YWHAE: variants seen among roughly 807,000 people sequenced by gnomAD.
The protein encoded by YWHAE is tyrosine 3-monooxygenase/tryptophan 5-monooxygenase activation protein epsilon.
Under a neutral mutation model 30.1 loss-of-function variants are expected in YWHAE, and 4 were observed. The ratio of observed to expected loss-of-function variants is 0.13; its 90% CI spans 0.07 to 0.30. The LOEUF (loss-of-function observed/expected upper bound fraction) is 0.30. YWHAE is among the 10% of genes least tolerant of loss of function. The pLI, the probability that YWHAE is intolerant of heterozygous loss-of-function variation, is 1.00. For synonymous variants in YWHAE, 118 were observed against 111.8 expected (o/e 1.06, Z -0.35); for missense variants, 121 against 315.9 (o/e 0.38, Z 4.68).
At chr17:1,378,169 G>T (rs1039445778) in intron 1 of YWHAE, among the ~76,000 whole-genome samples, 4 of 152,186 alleles carry the variant, frequency 2.6e-5, no homozygotes, top group African/African-American at 9.7e-5. Context: ...TTCTTAAAAA[G>T]GAGTCATCAC....
At chr17:1,398,340 C>CG (rs1361597192) in intron 1 of YWHAE, among the ~76,000 whole-genome samples, 3 of 96,332 alleles carry the variant, frequency 3.1e-5, no homozygotes, top group African/African-American at 6.1e-5. Flanking sequence ...CTTATCCCCC[C>CG]CCCCAACAGG....
intron 1 of YWHAE, among the ~76,000 whole-genome samples, chr17:1,376,283 T>C (rs911460865): frequency 1.3e-5 from 2 of 152,042 alleles, no homozygotes; most frequent in African/African-American, 4.8e-5. Context: ...TAAAATGTGG[T>C]TGAGACCCAG....
chr17:1,388,523 C>CAA lies in YWHAE; in HGVS notation c.64+11522_64+11523dup, dbSNP rs771810570. On this transcript the variant is annotated intron_variant, in intron 1 of 5. Transcript: ENST00000264335. ...TGGGCAACAGAGCAAGACTCTGTCT[C>CAA]AAAAAAAAAAAAAGTGCTAGGATTA... Among the ~76,000 whole-genome samples the CAA allele has an allele frequency of 9.6e-5, 12 of 124,458 alleles. 1 individual carries two copies. The South Asian group carries it at 1.3e-3, about 13-fold the overall frequency. The allele number at this position is 124,458 out of a possible 152,430, so 81.6% of individuals were successfully genotyped here. A position where few individuals can be genotyped will look rare whatever the true frequency, so the allele number is the denominator to read the frequency against.
Position 1,344,491 on chromosome 17 carries a change from T to C in YWHAE, c.*956A>G, listed in dbSNP as rs541668109. The C allele has an allele frequency of 4.8e-4, 91 of 191,192 alleles. No individual in the cohort carries two copies. The highest frequency in any genetic ancestry group is 8.2e-4 in the Non-Finnish European group (75 of 91,004). The allele number at this position is 191,192 out of a possible 1,614,324, so 11.8% of individuals were successfully genotyped here. A position where few individuals can be genotyped will look rare whatever the true frequency, so the allele number is the denominator to read the frequency against. ...GGCAAACATAATACTGTCAGTGTGT[T>C]TGGACTAGAGATTTTATTTTAGAAG... On this transcript the variant is annotated 3_prime_UTR_variant, in exon 6 of 6. Transcript: ENST00000264335.
intron 1 of YWHAE, among the ~76,000 whole-genome samples, chr17:1,388,239 A>G (rs1454901394): frequency 6.9e-6 from 1 of 144,424 alleles, no homozygotes; most frequent in Non-Finnish European, 1.5e-5. Context: ...AGGATTGGCC[A>G]GGCGCTGTGG....
At chr17:1,367,069 A>G (rs1356873964) in intron 1 of YWHAE, among the ~76,000 whole-genome samples, 1 of 152,226 alleles carries the variant, frequency 6.6e-6, no homozygotes, top group African/African-American at 2.4e-5. Flanking sequence ...CATATTTTGT[A>G]AAGTCTCTTC....
intron 4 of YWHAE, among the ~76,000 whole-genome samples, chr17:1,357,569 G>A (rs191036749): frequency 6.6e-6 from 1 of 151,790 alleles, no homozygotes; most frequent in East Asian, 1.9e-4. Flanking sequence ...AGCAGAGTGA[G>A]ACTCCGTCAA....
intron 5 of YWHAE, among the ~76,000 whole-genome samples, chr17:1,350,125 T>C (rs1027408998): frequency 1.3e-5 from 2 of 152,126 alleles, no homozygotes; most frequent in East Asian, 1.9e-4. Context: ...GCTAATTTTG[T>C]ATTTTTAGTA....
rs541587635 is a variant in YWHAE, at chr17:1,364,581, T to C, written c.264+278A>G. Among the ~76,000 whole-genome samples the C allele has an allele frequency of 2.0e-5, 3 of 151,958 alleles. No homozygotes were observed. In the South Asian group the frequency reaches 6.2e-4, roughly 32 times the overall value. ...TCATTTTGCTTGAAAATACAATAGT[T>C]CCCCCTTATCCAAGAGGGATCCATT... On this transcript the variant is annotated intron_variant, in intron 2 of 5. Transcript: ENST00000264335.
chr17:1,388,014 CT>C (rs1448510657), intron 1 of YWHAE, among the ~76,000 whole-genome samples: 1 of 146,510 alleles, frequency 6.8e-6, no homozygotes, highest in East Asian at 2.0e-4. Flanking sequence ...CAACCTTTGC[CT>C]CCCGGGTTCA....
Position 1,397,244 on chromosome 17 carries a change from A to C in YWHAE, c.64+2803T>G, listed in dbSNP as rs1190328050. On this transcript the variant is annotated intron_variant, in intron 1 of 5. Coordinates refer to ENST00000264335, the MANE Select transcript of YWHAE (RefSeq NM_006761.5). ...ACTATTTCATATACGGGACAGTAAG[A>C]GCTGTTTGAGAAATGCTAAGAAATA... is the stretch of plus-strand genomic sequence containing the variant. 2.0e-5 allele frequency among the ~76,000 whole-genome samples: 3 copies of C among 152,156 alleles called. No individual in the cohort carries two copies. The East Asian group carries it at 5.8e-4, about 29-fold the overall frequency.
chr17:1,371,742 C>T (rs1050426826), intron 1 of YWHAE, among the ~76,000 whole-genome samples: 1 of 152,050 alleles, frequency 6.6e-6, no homozygotes, highest in African/African-American at 2.4e-5. Flanking sequence ...TTTGTCTACG[C>T]TGAAAATCTA....
intron 1 of YWHAE, among the ~76,000 whole-genome samples, chr17:1,366,667 G>A (rs548400338): frequency 6.6e-6 from 1 of 151,996 alleles, no homozygotes; most frequent in South Asian, 2.1e-4. Flanking sequence ...AATTGGACGG[G>A]CACGGTGGAT....
chr17:1,400,042 C>T lies in YWHAE; in HGVS notation c.64+5G>A, dbSNP rs2073544527. The T allele has an allele frequency of 6.2e-7, 1 of 1,613,274 alleles. No individual in the cohort carries two copies. The highest frequency in any genetic ancestry group is 1.1e-5 in the South Asian group (1 of 91,062). ...TTCCAGCCCCCCGTTGCCCCCCCAA[C>T]TCACCGTCGTATCGCTCAGCCTGCT... On this transcript the variant is annotated splice_donor_5th_base_variant and intron_variant, in intron 1 of 5. Transcript: ENST00000264335.
At chr17:1,361,665 G>A (rs2072867009) in intron 3 of YWHAE, 9 of 464,764 alleles carry the variant, frequency 1.9e-5, no homozygotes, top group Middle Eastern at 5.6e-4. Flanking sequence ...ACTGTGAAAT[G>A]TATGCCGTTT....
At chr17:1,381,020 T>C (rs1209719050) in intron 1 of YWHAE, among the ~76,000 whole-genome samples, 1 of 152,204 alleles carries the variant, frequency 6.6e-6, no homozygotes, top group Non-Finnish European at 1.5e-5. Flanking sequence ...GTAGGTATTA[T>C]AAGTAACGAT....
At chr17:1,392,582 G>A (rs2073404571) in intron 1 of YWHAE, among the ~76,000 whole-genome samples, 1 of 152,100 alleles carries the variant, frequency 6.6e-6, no homozygotes, top group Admixed American at 6.6e-5. Context: ...GGGTGCGGTG[G>A]CTCACACCTA....
At chr17:1,389,897 G>A (rs2073364085) in intron 1 of YWHAE, among the ~76,000 whole-genome samples, 1 of 151,458 alleles carries the variant, frequency 6.6e-6, no homozygotes, top group Admixed American at 6.6e-5. Context: ...AGGCTGGAGT[G>A]CAATGGTACA....
chr17:1,361,670 C>CTTTGGGGGAGGGGAA, intron 3 of YWHAE: 1 of 463,320 alleles, frequency 2.2e-6, no homozygotes, highest in South Asian at 4.4e-5. Context: ...GAAATGTATG[C>CTTTGGGGGAGGGGAA]CGTTTGGGGG....
Sources: allele counts gnomAD v4.1 joint callset (sites outside exome capture counted in the v4.1 genomes callset), GRCh38; gene constraint gnomAD v4.1.1; transcripts MANE v1.5; gene names NCBI Gene and HGNC (gene_info 2026-07-23, HGNC 2026-07-21).